Variants in TMEM17 observed in about 807,000 individuals in gnomAD.
TMEM17 encodes transmembrane protein 17.
TMEM17 carries 15 observed loss-of-function variants against 19.1 expected under a neutral mutation model. The observed-to-expected ratio is 0.78, with a 90% CI of 0.52 to 1.21. TMEM17 has a LOEUF of 1.21. Ranked by LOEUF, TMEM17 falls within the 50% of genes most tolerant of loss-of-function variation. The probability of loss-of-function intolerance (pLI) is 0.00; values close to 1 mark genes in which losing one functional copy is unlikely to be tolerated. For synonymous variants in TMEM17, 103 were observed against 86.9 expected, an observed-to-expected ratio of 1.19 and a Z score of -1.03; for missense variants, 245 against 242.3, an observed-to-expected ratio of 1.01 and a Z score of -0.07.
intron 1 of TMEM17, among the ~76,000 whole-genome samples, chr2:62,504,911 C>A (rs1401523548): frequency 6.6e-6 from 1 of 152,176 alleles, no homozygotes; most frequent in Non-Finnish European, 1.5e-5. Flanking sequence ...ATATGGCCTA[C>A]AAAGTCTAAA....
At chr2:62,492,157 G>A in the TMEM17 span, among the ~76,000 whole-genome samples, 1 of 152,122 alleles carries the variant, frequency 6.6e-6, no homozygotes, top group South Asian at 2.1e-4. Flanking sequence ...TATCTTTGGA[G>A]CATGTGTTTA....
rs1241034996 is a variant in TMEM17, at chr2:62,501,201, A to G, written c.*8T>C. 1 of 1,609,382 alleles carries G rather than the reference A, an allele frequency of 6.2e-7. No individual in the cohort carries two copies. The highest frequency in any genetic ancestry group is 8.5e-7 in the Non-Finnish European group (1 of 1,176,648). ...TGATCTGTCAGATTTTCACTCAACA[A>G]CACTGGATCAGATCTCTTCTATACA... On this transcript the variant is annotated 3_prime_UTR_variant, in exon 4 of 4. Transcript: ENST00000335390.
chr2:62,488,908 C>T, the TMEM17 span, among the ~76,000 whole-genome samples: 1 of 151,144 alleles, frequency 6.6e-6, no homozygotes, highest in South Asian at 2.1e-4. Flanking sequence ...CACAGGAACA[C>T]CCTATTGGGG....
At chr2:62,482,418 G>A in the TMEM17 span, among the ~76,000 whole-genome samples, 1 of 152,216 alleles carries the variant, frequency 6.6e-6, no homozygotes, top group African/African-American at 2.4e-5. Context: ...GTGAGGAAAT[G>A]GAGACTGAGA....
chr2:62,468,199 A>C, the TMEM17 span, among the ~76,000 whole-genome samples: 1 of 152,134 alleles, frequency 6.6e-6, no homozygotes, highest in Non-Finnish European at 1.5e-5. Flanking sequence ...GACTCTACAG[A>C]GGCAGCCAGC....
At chr2:62,495,154 G>A in the TMEM17 span, among the ~76,000 whole-genome samples, 1 of 152,172 alleles carries the variant, frequency 6.6e-6, no homozygotes, top group Non-Finnish European at 1.5e-5. Flanking sequence ...TTCAGCTGTG[G>A]AATATGTTTA....
At chr2:62,497,140 G>A (rs6721465), downstream of TMEM17, among the ~76,000 whole-genome samples, 6,213 of 152,206 alleles carry the variant, frequency 0.041, 402 homozygotes, top group African/African-American at 0.14. Flanking sequence ...TTCTATTCAA[G>A]TTTATTTTAT....
At chr2:62,479,576 T>C in the TMEM17 span, among the ~76,000 whole-genome samples, 1 of 152,128 alleles carries the variant, frequency 6.6e-6, no homozygotes, top group Non-Finnish European at 1.5e-5. Flanking sequence ...ACTGATTTCC[T>C]TTCCTTTGTA....
At chr2:62,476,154 C>G in the TMEM17 span, among the ~76,000 whole-genome samples, 11 of 152,286 alleles carry the variant, frequency 7.2e-5, no homozygotes, top group African/African-American at 2.4e-4. Context: ...CTTGGGGTGG[C>G]AGTTGTATCC....
rs1573435238 is a variant in TMEM17, at chr2:62,501,503, T to A, written c.319-16A>T. ...ACTCAGGAACCTGCAATGACACATA[T>A]CAAGAGTAATAAAAATCAGTAAAAT... On this transcript the variant is annotated splice_polypyrimidine_tract_variant and intron_variant, in intron 3 of 3. Coordinates refer to ENST00000335390, the MANE Select transcript of TMEM17 (RefSeq NM_198276.3). 3 of 1,595,964 alleles carry A rather than the reference T, an allele frequency of 1.9e-6. No homozygotes were observed. Among genetic ancestry groups the A allele is most frequent in the Non-Finnish European group, 2.6e-6 (3 of 1,172,994 alleles).
chr2:62,506,163 A>T lies in TMEM17; in HGVS notation c.-34T>A, dbSNP rs774873924. 1.3e-6 allele frequency: 2 copies of T among 1,551,224 alleles called. No homozygotes were observed. The highest frequency in any genetic ancestry group is 1.2e-5 in the South Asian group (1 of 85,186). ...CTCAGTATCCCTCACCCCCTCAGAC[A>T]CGGGCTAGTCTGCGGGCGCTCCGAG... On this transcript the variant is annotated 5_prime_UTR_variant, in exon 1 of 4. Transcript: ENST00000335390.
At chr2:62,484,703 A>G in the TMEM17 span, among the ~76,000 whole-genome samples, 1 of 151,912 alleles carries the variant, frequency 6.6e-6, no homozygotes, top group African/African-American at 2.4e-5. Context: ...TAAACTCTTC[A>G]TGGTTTCCAG....
At chr2:62,482,085 C>T in the TMEM17 span, among the ~76,000 whole-genome samples, 1 of 152,182 alleles carries the variant, frequency 6.6e-6, no homozygotes, top group African/African-American at 2.4e-5. Context: ...TACTCCTTAC[C>T]AACAAAGTGA....
the TMEM17 span, among the ~76,000 whole-genome samples, chr2:62,478,054 T>G: frequency 9.9e-5 from 15 of 152,220 alleles, no homozygotes; most frequent in Non-Finnish European, 1.5e-5. Context: ...ACTTACTGTT[T>G]CAAGGCAAAA....
At chr2:62,455,007 G>A in the TMEM17 span, among the ~76,000 whole-genome samples, 89,384 of 152,092 alleles carry the variant, frequency 0.59, 27,099 homozygotes, top group African/African-American at 0.74. Context: ...GCCCAGCCGA[G>A]ACCCAGCTTT....
At chr2:62,488,691 A>G in the TMEM17 span, among the ~76,000 whole-genome samples, 2 of 152,214 alleles carry the variant, frequency 1.3e-5, no homozygotes, top group Non-Finnish European at 2.9e-5. Flanking sequence ...TACGGAAATA[A>G]AGGAATAAAG....
chr2:62,475,783 A>C, the TMEM17 span, among the ~76,000 whole-genome samples: 4 of 152,236 alleles, frequency 2.6e-5, no homozygotes, highest in Non-Finnish European at 5.9e-5. Flanking sequence ...TTTGAGGGAC[A>C]GTCAGGGATA....
At chr2:62,495,282 G>C (rs1429144338), downstream of TMEM17, among the ~76,000 whole-genome samples, 1 of 152,164 alleles carries the variant, frequency 6.6e-6, no homozygotes, top group African/African-American at 2.4e-5. Flanking sequence ...GTCTTGACTT[G>C]GGTTAAGATG....
chr2:62,498,487 C>T (rs1325420274), downstream of TMEM17, among the ~76,000 whole-genome samples: 5 of 150,902 alleles, frequency 3.3e-5, no homozygotes, highest in Admixed American at 1.3e-4. Context: ...GAGGCCGAGG[C>T]GGGCGGATCA....
Sources: gnomAD v4.1 joint callset for allele counts (sites outside exome capture counted in the v4.1 genomes callset) on GRCh38, gnomAD v4.1.1 for gene constraint, MANE v1.5 for transcripts, NCBI Gene and HGNC (gene_info 2026-07-23, HGNC 2026-07-21) for gene names.